The following FLNA variants were observed in gnomAD, a reference collection of about 807,000 sequenced individuals.
FLNA encodes filamin-A.
In FLNA, 7 loss-of-function variants were observed where a neutral mutation model predicts 157.6. The observed-to-expected ratio is 0.04, with a 90% CI of 0.03 to 0.08. The LOEUF is 0.08. Among genes scored for constraint, FLNA ranks in the 10% least tolerant of loss-of-function variants. The pLI is 1.00. For missense variants in FLNA, 1,750 were observed against 2,398.4 expected (o/e 0.73, Z 5.65); for synonymous variants, 1,103 against 1,060.8 (o/e 1.04, Z -0.77).
At chrX:154,353,840 T>C (rs2067641538) in intron 35 of FLNA, 75 bp downstream of exon 35, 2 of 1,186,300 alleles carry the variant, frequency 1.7e-6, no homozygotes, top group East Asian at 5.9e-5. Context: ...TTCAGGAGTA[T>C]CTCCTGAGTC....
chrX:154,363,191 C>T (rs994283349), intron 15 of FLNA, among the ~76,000 whole-genome samples: 7 of 111,475 alleles, frequency 6.3e-5, no homozygotes, highest in Admixed American at 9.5e-5. Flanking sequence ...CCAAGGTGGG[C>T]GGACCACCTG....
intron 9 of FLNA, 91 bp from the exon 10 acceptor site, chrX:154,365,577 G>C: frequency 9.6e-7 from 1 of 1,047,033 alleles, no homozygotes; most frequent in Non-Finnish European, 1.3e-6. Flanking sequence ...GGATTGGTGG[G>C]TCCCTCAGAG....
At chrX:154,356,926 G>A (rs1309867258) in intron 30 of FLNA, among the ~76,000 whole-genome samples, 7 of 112,151 alleles carry the variant, frequency 6.2e-5, no homozygotes, top group African/African-American at 2.3e-4. Context: ...GTGCCTCCCT[G>A]GGTGCCAAGA....
intron 30 of FLNA, among the ~76,000 whole-genome samples, chrX:154,356,315 C>T (rs782348579): frequency 8.9e-6 from 1 of 111,806 alleles, no homozygotes; most frequent in Non-Finnish European, 1.9e-5. Context: ...CCCCGGGCTC[C>T]CTGTCTCCAT....
In FLNA at chrX:154,362,654, G is replaced by A. The variant is rs781814676; in HGVS notation, c.2404+7C>T. On this transcript the variant is annotated splice_region_variant and intron_variant, in intron 16 of 47. Transcript: ENST00000369850. ...CACCTGCCCTCCCACCCACAGCCAG[G>A]CCTTACCCTGGCCAGCCTCGGCGCA... 6 of 1,209,611 alleles carry A rather than the reference G, an allele frequency of 5.0e-6. No homozygotes were observed. In the South Asian group the frequency reaches 1.1e-4, roughly 21 times the overall value.
chrX:154,359,473 G>T lies in FLNA; in HGVS notation c.4142+11C>A. 1.7e-6 allele frequency: 2 copies of T among 1,211,336 alleles called. No individual in the cohort carries two copies. The stretch of plus-strand genomic sequence containing the variant: ...CCCACCAGCCACACGGGCTCCTGGG[G>T]GCTCCCTTACCTGGTCTCCACAGTG... On this transcript the variant is annotated intron_variant, in intron 24 of 47. Transcript: ENST00000369850.
At chrX:154,363,785 C>A (rs782216570) in intron 15 of FLNA, among the ~76,000 whole-genome samples, 2 of 112,060 alleles carry the variant, frequency 1.8e-5, no homozygotes, top group South Asian at 7.4e-4. Flanking sequence ...TGAACGAAAA[C>A]ACGGAAAACT....
Position 154,353,341 on chromosome X carries a change from G to A in FLNA, c.5977C>T (p.Arg1993Trp), listed in dbSNP as rs371616686. ...LTATVVPPSG[R>W]EEPCLLKRLR... The stretch of plus-strand genomic sequence containing the variant: ...CGCTTCAGCAAACAGGGCTCCTCCC[G>A]GCCCGAGGGCGGGACCACAGTGGCC... The change falls in exon 37 of 48, where the codon CGG (arginine) becomes TGG (tryptophan). Residue 1993 changes from arginine to tryptophan, a missense_variant. Coordinates refer to ENST00000369850, the MANE Select transcript of FLNA (RefSeq NM_001110556.2). 1.1e-4 allele frequency: 137 copies of A among 1,210,642 alleles called. No homozygotes were observed. In the South Asian group the frequency reaches 2.0e-3, roughly 18 times the overall value.
rs781929638 is a variant in FLNA at position 154,364,622 on chromosome X, C to T, written c.1926G>A (p.Glu642=). 9 of 1,211,404 alleles carry T rather than the reference C, an allele frequency of 7.4e-6. No homozygotes were observed. The highest frequency in any genetic ancestry group is 8.9e-6 in the Non-Finnish European group (8 of 895,521). The change falls in exon 13 of 48, where the codon GAG becomes GAA. Residue 642 remains glutamate (E), a synonymous_variant. Transcript: ENST00000369850. ...DVRYWPQEAG[E]YAVHVLCNSE... is the part of the protein sequence containing the mutation. ...TGTTGCACAGCACGTGAACGGCATACTCGCCAGCCTCCTGCGGCCAGTAGC... is the reference window on the plus strand; with the variant it reads ...TGTTGCACAGCACGTGAACGGCATATTCGCCAGCCTCCTGCGGCCAGTAGC...
At position 154,374,570 on chromosome X, in the gene FLNA, C is replaced by T. The variant is rs1170122679; in HGVS notation, c.-181G>A. ...GGTGGCGCCCGGATCGCCTTCGCGC[C>T]CGCGCCCGCGCCAGGCGCCTCGGGG... On this transcript the variant is annotated 5_prime_UTR_variant, in exon 1 of 48. Transcript: ENST00000369850. 1 of 112,226 alleles carries T rather than the reference C, an allele frequency of 8.9e-6. No individual in the cohort carries two copies. The highest frequency in any genetic ancestry group is 1.9e-5 in the Non-Finnish European group (1 of 52,679). 9.2% of individuals were successfully genotyped at this position (112,226 alleles called of 1,213,427 possible). A position where few individuals can be genotyped will look rare whatever the true frequency, so the allele number is the denominator to read the frequency against.
intron 15 of FLNA, among the ~76,000 whole-genome samples, chrX:154,363,606 G>A (rs941461113): frequency 2.7e-5 from 3 of 109,890 alleles, no homozygotes; most frequent in South Asian, 3.9e-4. Flanking sequence ...CCAGCTACCC[G>A]GGAGGCTGAG....
At chrX:154,350,633 G>A (rs782340493) in intron 44 of FLNA, 3 of 394,681 alleles carry the variant, frequency 7.6e-6, no homozygotes, top group East Asian at 4.4e-5. Context: ...TACCATGGCC[G>A]TGGCTGAAGG....
chrX:154,354,930 C>T lies in FLNA; in HGVS notation c.5112G>A (p.Glu1704=). The change falls in exon 31 of 48, where the codon GAG becomes GAA. Residue 1704 remains glutamate (E), a synonymous_variant. Coordinates refer to ENST00000369850, the MANE Select transcript of FLNA (RefSeq NM_001110556.2). ...SEVDVDVVEN[E]DGTFDIFYTA... is the part of the protein sequence containing the mutation. ...TGTAGAAGATGTCGAAAGTGCCGTCCTCATTCTCCACCACGTCCACATCCA... is the reference window on the plus strand; with the variant it reads ...TGTAGAAGATGTCGAAAGTGCCGTCTTCATTCTCCACCACGTCCACATCCA... 8.2e-7 allele frequency: 1 copy of T among 1,212,184 alleles called. No individual in the cohort carries two copies. Among genetic ancestry groups the T allele is most frequent in the Non-Finnish European group, 1.1e-6 (1 of 895,634 alleles).
intron 9 of FLNA, 76 bp downstream of exon 9, chrX:154,365,948 T>C: frequency 9.9e-7 from 1 of 1,009,027 alleles, no homozygotes; most frequent in South Asian, 2.1e-5. Context: ...GCAGCGGGAC[T>C]GGCCCAGGGG....
chrX:154,373,877 C>T (rs1271493124), intron 1 of FLNA, among the ~76,000 whole-genome samples: 2 of 113,109 alleles, frequency 1.8e-5, no homozygotes, highest in African/African-American at 6.4e-5. Flanking sequence ...CCAGGTGGCA[C>T]GGGAATCTGG....
chrX:154,349,085 G>A (rs376802868), intron 47 of FLNA, 49 bp from the exon 48 acceptor site: 20 of 1,112,326 alleles, frequency 1.8e-5, no homozygotes, highest in Admixed American at 7.5e-5. Context: ...CCTTCCTCCC[G>A]CTGGTGTCCT....
In FLNA at chrX:154,364,183, G is replaced by A; in HGVS notation, c.2137-18C>T. 1 of 1,211,276 alleles carries A rather than the reference G, an allele frequency of 8.3e-7. No homozygotes were observed. The highest frequency in any genetic ancestry group is 1.1e-6 in the Non-Finnish European group (1 of 895,265). ...TCATTGTCCTGTCAGGCAGATAGGAGCAGGTGGCCTGCTGGTCAGTGCCCA... is the reference window on the plus strand; with the variant it reads ...TCATTGTCCTGTCAGGCAGATAGGAACAGGTGGCCTGCTGGTCAGTGCCCA... On this transcript the variant is annotated intron_variant, in intron 14 of 47. Coordinates refer to ENST00000369850, the MANE Select transcript of FLNA (RefSeq NM_001110556.2).
rs1461515007 is a variant in FLNA at position 154,364,712 on chromosome X, C to T, written c.1836G>A (p.Ser612=). The T allele has an allele frequency of 2.7e-5, 33 of 1,207,721 alleles. No homozygotes were observed. The highest frequency in any genetic ancestry group is 1.5e-4 in the East Asian group (5 of 33,721). Residue 612 remains serine (S), a synonymous_variant, in exon 13 of 48, where the codon TCG becomes TCA. Transcript: ENST00000369850. ...IGDDVGTLGF[S]VEGPSQAKIE... ...TCTTAGCCTGCGATGGCCCTTCCAC[C>T]GAGAAGCCTGACAACAGCCACCAGT... is the stretch of plus-strand genomic sequence containing the variant.
intron 1 of FLNA, among the ~76,000 whole-genome samples, 192 bp from the exon 2 acceptor site, chrX:154,371,553 T>C (rs1557180376): frequency 8.9e-6 from 1 of 111,924 alleles, no homozygotes; most frequent in Non-Finnish European, 1.9e-5. Context: ...GGTGGGTCGC[T>C]GGGCAGTGGG....
Sources: allele counts gnomAD v4.1 joint callset (sites outside exome capture counted in the v4.1 genomes callset), GRCh38; gene constraint gnomAD v4.1.1; transcripts MANE v1.5; gene names NCBI Gene and HGNC (gene_info 2026-07-23, HGNC 2026-07-21).